Variants in AOX1 observed in about 807,000 individuals in gnomAD.
The protein encoded by AOX1 is aldehyde oxidase 1, also known as aldehyde oxidase.
In AOX1, 153 loss-of-function variants were observed where a neutral mutation model predicts 169.5. The observed-to-expected ratio is 0.90, with a 90% CI of 0.79 to 1.03. The LOEUF (loss-of-function observed/expected upper bound fraction) is 1.03. AOX1 is among the 50% of genes least tolerant of loss of function. The pLI is 0.00. For synonymous variants in AOX1, 562 were observed against 581.9 expected (o/e 0.97, Z 0.49); for missense variants, 1,656 against 1,663.9 (o/e 1.00, Z 0.08).
chr2:200,677,643 T>C (rs1470705979), downstream of AOX1, among the ~76,000 whole-genome samples: 2 of 152,088 alleles, frequency 1.3e-5, no homozygotes, highest in African/African-American at 2.4e-5. Context: ...TGTTGTCCTT[T>C]ATGCAGGGAA....
chr2:200,627,441 T>C lies in AOX1; in HGVS notation c.2213T>C (p.Ile738Thr). 2 of 1,610,316 alleles carry C rather than the reference T, an allele frequency of 1.2e-6. No homozygotes were observed. Among genetic ancestry groups the C allele is most frequent in the Non-Finnish European group, 1.7e-6 (2 of 1,176,638 alleles). ...VDEAFKVVDQILEGEIHMGGQ... is the reference protein window; with the variant it reads ...VDEAFKVVDQTLEGEIHMGGQ... Reference sequence around the variant, plus strand: ...GAAGCATTTAAAGTGGTTGATCAAATTCTTGAAGGTAAAAAGTAATGGAAG... The same window carrying C: ...GAAGCATTTAAAGTGGTTGATCAAACTCTTGAAGGTAAAAAGTAATGGAAG... The change falls in exon 20 of 35, where the codon ATT becomes ACT. Residue 738 changes from isoleucine to threonine, a missense_variant. Transcript: ENST00000374700.
At chr2:200,657,161 C>CAAAAAAAAAAAAAAAA (rs67071824) in intron 27 of AOX1, among the ~76,000 whole-genome samples, 10 of 83,030 alleles carry the variant, frequency 1.2e-4, no homozygotes, top group African/African-American at 4.3e-4. Flanking sequence ...CCATCTCTAC[C>CAAAAAAAAAAAAAAAA]AAAAATATAT....
In AOX1 at chr2:200,611,476, A is replaced by G. The variant is rs1032545482; in HGVS notation, c.1246A>G (p.Ile416Val). The change falls in exon 13 of 35, where the codon ATC becomes GTC. Residue 416 changes from isoleucine (I) to valine (V), a missense_variant. Coordinates refer to ENST00000374700, the MANE Select transcript of AOX1 (RefSeq NM_001159.4). Reference sequence around the variant, plus strand: ...TCAAGAAATCTTGGTCTCAGTGAACATCCCCTACTCAAGGAAGGTGAGAAC... The same window carrying G: ...TCAAGAAATCTTGGTCTCAGTGAACGTCCCCTACTCAAGGAAGGTGAGAAC... ...KPQEILVSVN[I>V]PYSRKWEFVS... 6 of 1,611,568 alleles carry G rather than the reference A, an allele frequency of 3.7e-6. No homozygotes were observed. The African/African-American group carries it at 8.0e-5, about 22-fold the overall frequency.
Position 200,609,348 on chromosome 2 carries a change from C to T in AOX1, c.1087C>T (p.His363Tyr), listed in dbSNP as rs780011035. 2.5e-6 allele frequency: 4 copies of T among 1,613,980 alleles called. No individual in the cohort carries two copies. Among genetic ancestry groups the T allele is most frequent in the Admixed American group, 3.3e-5 (2 of 60,004 alleles). The part of the protein sequence containing the change: ...ASLGGHIISR[H>Y]PDSDLNPILA... ...TTTAGGGGGACACATCATTAGCAGG[C>T]ATCCAGATTCAGATCTGAATCCCAT... Residue 363 changes from histidine (H) to tyrosine (Y), a missense_variant, in exon 12 of 35, where the codon CAT becomes TAT. Coordinates refer to ENST00000374700, the MANE Select transcript of AOX1 (RefSeq NM_001159.4).
Position 200,670,857 on chromosome 2 carries a change from T to C in AOX1, c.*178T>C, listed in dbSNP as rs1472831279. The C allele has an allele frequency of 1.9e-6, 1 of 532,946 alleles. No individual in the cohort carries two copies. The allele number at this position is 532,946 out of a possible 1,614,324, so 33.0% of individuals were successfully genotyped here. On this transcript the variant is annotated 3_prime_UTR_variant, in exon 35 of 35. Transcript: ENST00000374700. The stretch of plus-strand genomic sequence containing the variant: ...GTATTCCATTTAGATTTGATAGATA[T>C]GCTTAAGCAATCTATAAATCATTTT...
intron 11 of AOX1, 36 bp downstream of exon 11, chr2:200,609,171 CCCT>C (rs1559236231): frequency 6.2e-7 from 1 of 1,608,826 alleles, no homozygotes; most frequent in Admixed American, 1.7e-5. Context: ...TGGTATGCAT[CCCT>C]TGGGTGACTC....
chr2:200,614,020 C>T (rs1041501375), intron 15 of AOX1, 54 bp downstream of exon 15: 3 of 1,529,214 alleles, frequency 2.0e-6, no homozygotes, highest in African/African-American at 2.8e-5. Context: ...ATGATGACAC[C>T]AAAAGTAGAG....
chr2:200,608,589 C>A (rs2034564609), intron 10 of AOX1, among the ~76,000 whole-genome samples: 1 of 152,162 alleles, frequency 6.6e-6, no homozygotes, highest in Non-Finnish European at 1.5e-5. Context: ...TGAAATGGGG[C>A]TATTAATATC....
intron 14 of AOX1, among the ~76,000 whole-genome samples, chr2:200,613,027 TGA>T (rs71022328): frequency 3.4e-5 from 5 of 146,190 alleles, no homozygotes; most frequent in Admixed American, 2.7e-4. Context: ...TGTGTGTGTG[TGA>T]GAGAGAGAGA....
At chr2:200,615,504 A>T (rs1186107394) in intron 15 of AOX1, among the ~76,000 whole-genome samples, 2 of 152,130 alleles carry the variant, frequency 1.3e-5, no homozygotes, top group East Asian at 3.9e-4. Flanking sequence ...AGCGACAGGG[A>T]TGCAGCCTGT....
chr2:200,640,440 G>A (rs2035331544), intron 23 of AOX1, among the ~76,000 whole-genome samples: 1 of 152,130 alleles, frequency 6.6e-6, no homozygotes, highest in Non-Finnish European at 1.5e-5. Context: ...AAGCACATGG[G>A]GTCTGAGATA....
At chr2:200,676,822 G>A (rs1036372093) in intron 4 of AOX1, 21 of 449,066 alleles carry the variant, frequency 4.7e-5, no homozygotes, top group Admixed American at 3.6e-4. Flanking sequence ...ACACACTCAG[G>A]AAGCAGATAC....
intron 4 of AOX1, 97 bp downstream of exon 4, chr2:200,597,602 C>T (rs900067353): frequency 1.4e-6 from 1 of 726,522 alleles, no homozygotes; most frequent in Non-Finnish European, 2.1e-6. Flanking sequence ...CTGGGGCCTG[C>T]TGGCTCGGCC....
intron 25 of AOX1, among the ~76,000 whole-genome samples, chr2:200,645,455 G>A (rs547934066): frequency 6.6e-6 from 1 of 152,262 alleles, no homozygotes; most frequent in East Asian, 1.9e-4. Flanking sequence ...TTCATATGTT[G>A]TTGGAGTTGG....
At chr2:200,657,234 G>GTT (rs2035715497) in intron 27 of AOX1, among the ~76,000 whole-genome samples, 1 of 132,012 alleles carries the variant, frequency 7.6e-6, no homozygotes, top group Non-Finnish European at 1.6e-5. Flanking sequence ...GCATGAGCCT[G>GTT]TTTTCCCACC....
At chr2:200,669,773 A>G in intron 34 of AOX1, 31 bp downstream of exon 34, 1 of 1,601,902 alleles carries the variant, frequency 6.2e-7, no homozygotes, top group Non-Finnish European at 8.5e-7. Flanking sequence ...AAAAATAGTG[A>G]TCATAAAATT....
At chr2:200,646,245 T>A (rs1048468251) in intron 25 of AOX1, among the ~76,000 whole-genome samples, 8 of 152,182 alleles carry the variant, frequency 5.3e-5, no homozygotes, top group Non-Finnish European at 1.2e-4. Flanking sequence ...TCCCAGAGAT[T>A]TTGACAGGTT....
At chr2:200,680,955 G>C (rs549458551), downstream of AOX1, among the ~76,000 whole-genome samples, 5 of 152,206 alleles carry the variant, frequency 3.3e-5, no homozygotes, top group Non-Finnish European at 5.9e-5. Flanking sequence ...AGAACAAAAA[G>C]TGTGAAGTGG....
At chr2:200,679,462 TTC>T (rs34562158), downstream of AOX1, 71,945 of 151,718 alleles carry the variant, frequency 0.47, 17,341 homozygotes, top group East Asian at 0.6. Flanking sequence ...TTTAGGTAGC[TTC>T]TCTCTCGTTG....
Sources: allele counts gnomAD v4.1 joint callset (sites outside exome capture counted in the v4.1 genomes callset), GRCh38; gene constraint gnomAD v4.1.1; transcripts MANE v1.5; gene names NCBI Gene and HGNC (gene_info 2026-07-23, HGNC 2026-07-21).